Variants in C11orf65 observed in about 807,000 individuals in gnomAD.
C11orf65 encodes the protein protein MFI.
In C11orf65, 38 loss-of-function variants were observed where a neutral mutation model predicts 35.3. The ratio of observed to expected loss-of-function variants is 1.08; its 90% confidence interval spans 0.83 to 1.41. C11orf65 has a LOEUF of 1.41. Ranked by LOEUF, C11orf65 falls within the 40% of genes most tolerant of loss-of-function variation. The probability of loss-of-function intolerance (pLI) is 0.00; values close to 1 mark genes in which losing one functional copy is unlikely to be tolerated. For missense variants in C11orf65, 370 were observed against 367.1 expected, an observed-to-expected ratio of 1.01 and a Z score of -0.06; for synonymous variants, 105 against 114.4, an observed-to-expected ratio of 0.92 and a Z score of 0.53.
chr11:108,391,489 C>G (rs141239149), intron 7 of C11orf65, among the ~76,000 whole-genome samples: 96 of 152,314 alleles, frequency 6.3e-4, no homozygotes, highest in African/African-American at 2.2e-3. Flanking sequence ...AAGTGATTCT[C>G]CTGCCTCAGC....
chr11:108,335,371 GCTT>G (rs2086725011), intron 2 of C11orf65: 3 of 1,113,388 alleles, frequency 2.7e-6, no homozygotes, highest in East Asian at 3.3e-5. Context: ...CAGTGAGGTT[GCTT>G]CTTATGAAAA....
At chr11:108,343,727 C>T (rs555753995) in intron 2 of C11orf65, among the ~76,000 whole-genome samples, 2 of 152,036 alleles carry the variant, frequency 1.3e-5, no homozygotes, top group Non-Finnish European at 2.9e-5. Flanking sequence ...CTGGGGGATC[C>T]CTTGAACCCA....
At chr11:108,328,296 G>T (rs1258655794), downstream of C11orf65, among the ~76,000 whole-genome samples, 2 of 152,100 alleles carry the variant, frequency 1.3e-5, no homozygotes, top group Admixed American at 1.3e-4. Flanking sequence ...GCCCAAGCTG[G>T]AGTGCAGTGG....
At chr11:108,309,105 G>A (rs1350207854) in intron 6 of C11orf65, 1 of 1,243,916 alleles carries the variant, frequency 8.0e-7, no homozygotes, top group South Asian at 1.3e-5. Flanking sequence ...TAGAAAAACG[G>A]GTAAAGACAT....
chr11:108,429,164 A>G (rs1329102938), intron 3 of C11orf65, among the ~76,000 whole-genome samples: 2 of 152,152 alleles, frequency 1.3e-5, no homozygotes, highest in East Asian at 1.9e-4. Context: ...GAAAAAGAAA[A>G]AAGAAAAAAA....
upstream of C11orf65, among the ~76,000 whole-genome samples, chr11:108,469,329 T>G (rs2093563740): frequency 6.6e-6 from 1 of 151,788 alleles, no homozygotes; most frequent in Non-Finnish European, 1.5e-5. Flanking sequence ...TTTACCACAA[T>G]TTAAAAATTT....
intron 2 of C11orf65, among the ~76,000 whole-genome samples, chr11:108,445,357 G>A (rs1398465026): frequency 6.6e-6 from 1 of 152,164 alleles, no homozygotes; most frequent in Non-Finnish European, 1.5e-5. Context: ...GCACCCCCCA[G>A]TAAGGGCAGA....
chr11:108,315,822 G>C (rs1365726807), intron 6 of C11orf65: 1 of 1,609,280 alleles, frequency 6.2e-7, no homozygotes, highest in Non-Finnish European at 8.5e-7. Flanking sequence ...CATGTTTTCA[G>C]GATCTTCTCT....
downstream of C11orf65, among the ~76,000 whole-genome samples, chr11:108,378,899 A>G (rs2091797950): frequency 6.6e-6 from 1 of 151,990 alleles, no homozygotes; most frequent in South Asian, 2.1e-4. Context: ...ACTGGCCATC[A>G]GAGAAATGCA....
In C11orf65 at chr11:108,449,437, G is replaced by C. The variant is rs556207537; in HGVS notation, c.81+12042C>G. Among the ~76,000 whole-genome samples, 637 of 152,028 alleles carry C rather than the reference G, an allele frequency of 4.2e-3. 5 individuals carry two copies. The highest frequency in any genetic ancestry group is 7.0e-3 in the Non-Finnish European group (479 of 68,004). Reference sequence around the variant, plus strand: ...AGCATGGTACTGGTACCAAAACAGAGATATAGATCAATGGAGCAGAACAGA... The same window carrying C: ...AGCATGGTACTGGTACCAAAACAGACATATAGATCAATGGAGCAGAACAGA... On this transcript the variant is annotated intron_variant, in intron 2 of 8. Coordinates refer to ENST00000393084, the MANE Select transcript of C11orf65 (RefSeq NM_152587.5).
rs1287906094 is a variant in C11orf65 at position 108,405,479 on chromosome 11, T to A, written c.510A>T (p.Gln170His). ...EFHFSKLKRR[Q>H]DLEKKRKLRK... ...TAAGTTTTCTTTTCTTTTCCAAATCTTGCCTTCTCTTCAGTTTAGAGAAAT... is the reference window on the plus strand; with the variant it reads ...TAAGTTTTCTTTTCTTTTCCAAATCATGCCTTCTCTTCAGTTTAGAGAAAT... Residue 170 changes from glutamine to histidine, a missense_variant, in exon 6 of 9, where the codon CAA (glutamine) becomes CAT (histidine). Coordinates refer to ENST00000393084, the MANE Select transcript of C11orf65 (RefSeq NM_152587.5). 1.2e-6 allele frequency: 2 copies of A among 1,613,756 alleles called. No individual in the cohort carries two copies. The highest frequency in any genetic ancestry group is 1.7e-6 in the Non-Finnish European group (2 of 1,179,862).
chr11:108,406,679 A>G (rs906284676), intron 5 of C11orf65, 84 bp downstream of exon 5: 30 of 929,058 alleles, frequency 3.2e-5, no homozygotes, highest in Non-Finnish European at 4.3e-5. Flanking sequence ...ATTATTTTAA[A>G]AAATAATTTT....
At chr11:108,377,536 C>G (rs921549996) in intron 2 of C11orf65, among the ~76,000 whole-genome samples, 1 of 151,910 alleles carries the variant, frequency 6.6e-6, no homozygotes, top group South Asian at 2.1e-4. Flanking sequence ...ACTGAATGGG[C>G]AAAAACTGGA....
chr11:108,431,875 G>T, intron 2 of C11orf65, 37 bp from the exon 3 acceptor site: 3 of 1,291,696 alleles, frequency 2.3e-6, no homozygotes, highest in South Asian at 1.6e-5. Flanking sequence ...GATCAAAACT[G>T]GATTTTCTAT....
In C11orf65 at chr11:108,309,247, T is replaced by C. The variant is rs184337609; in HGVS notation, c.641-176A>G. On this transcript the variant is annotated intron_variant, in intron 6 of 6. Coordinates refer to the C11orf65 transcript ENST00000525729. ...TTGCTGTCTTTGAACCTCAGTCTTA[T>C]CATCTTTCAAAATCAGAATAATGTC... Among the ~76,000 whole-genome samples, 101 of 152,364 alleles carry C rather than the reference T, an allele frequency of 6.6e-4. No individual in the cohort carries two copies. The Middle Eastern group carries it at 0.02, about 31-fold the overall frequency.
intron 6 of C11orf65, among the ~76,000 whole-genome samples, chr11:108,403,871 C>A (rs954029668): frequency 6.6e-6 from 1 of 152,006 alleles, no homozygotes; most frequent in Non-Finnish European, 1.5e-5. Flanking sequence ...CTGGATAGTG[C>A]GAGGATAGCA....
rs778267979 is a variant in C11orf65 at position 108,365,486 on chromosome 11, C to T, written c.226+27722G>A. 1.1e-5 allele frequency: 17 copies of T among 1,614,036 alleles called. No individual in the cohort carries two copies. The Admixed American group carries it at 1.7e-4, about 16-fold the overall frequency. ...CCCAAAAATCTCAGCCGACTTTTCC[C>T]AGGATGGAAAGCTTGGGTGTGATCT... On this transcript the variant is annotated intron_variant, in intron 2 of 3. Coordinates refer to the C11orf65 transcript ENST00000524755.
In C11orf65 at chr11:108,347,286, C is replaced by T. The variant is rs56025670; in HGVS notation, c.227-11994G>A. 1,390 of 1,607,654 alleles carry T rather than the reference C, an allele frequency of 8.6e-4. 1 individual carries two copies. Among genetic ancestry groups the T allele is most frequent in the Non-Finnish European group, 1.1e-3 (1,344 of 1,174,430 alleles). ...TGTTTCTTTTTTCTCCAGTTGGTTA[C>T]ATACTTGGACTTGGTGATAGACATG... On this transcript the variant is annotated intron_variant, in intron 2 of 3. Transcript: ENST00000524755.
intron 2 of C11orf65, among the ~76,000 whole-genome samples, chr11:108,341,658 C>T (rs1237332490): frequency 6.6e-6 from 1 of 151,814 alleles, no homozygotes; most frequent in East Asian, 1.9e-4. Context: ...GCTGAGAAAA[C>T]GAATATAATA....
Sources: allele counts gnomAD v4.1 joint callset (sites outside exome capture counted in the v4.1 genomes callset), GRCh38; gene constraint gnomAD v4.1.1; transcripts MANE v1.5; gene names NCBI Gene and HGNC (gene_info 2026-07-23, HGNC 2026-07-21).